DCC: variants seen among roughly 807,000 people sequenced by gnomAD.
DCC encodes DCC netrin 1 receptor, also known as netrin receptor DCC.
Under a neutral mutation model 172.5 loss-of-function variants are expected in DCC, and 58 were observed. The ratio of observed to expected loss-of-function variants is 0.34; its 90% CI spans 0.27 to 0.42. The LOEUF is 0.42. DCC is among the 10% of genes least tolerant of loss of function. DCC has a pLI of 1.00. For missense variants in DCC, 1,740 were observed against 1,791.0 expected (o/e 0.97, Z 0.51); for synonymous variants, 709 against 644.5 (o/e 1.10, Z -1.52).
chr18:53,307,110 T>C (rs1472654089), intron 13 of DCC, among the ~76,000 whole-genome samples: 3 of 152,226 alleles, frequency 2.0e-5, no homozygotes, highest in Non-Finnish European at 4.4e-5. Flanking sequence ...TTTTTCTTCT[T>C]TTCTCTCAGG....
chr18:53,360,979 A>G (rs2057938753), intron 15 of DCC, among the ~76,000 whole-genome samples: 1 of 152,142 alleles, frequency 6.6e-6, no homozygotes, highest in African/African-American at 2.4e-5. Context: ...GTGACCTTAG[A>G]TGGAAAAGGG....
chr18:52,490,057 C>T (rs1051523478), intron 1 of DCC, among the ~76,000 whole-genome samples: 5 of 151,918 alleles, frequency 3.3e-5, no homozygotes, highest in Admixed American at 6.6e-5. Context: ...TTTGAAGTTC[C>T]CAGGAGAGCT....
At chr18:53,085,222 G>A (rs1163960530) in intron 7 of DCC, among the ~76,000 whole-genome samples, 2 of 152,154 alleles carry the variant, frequency 1.3e-5, no homozygotes, top group East Asian at 3.9e-4. Flanking sequence ...GAATTAATAA[G>A]TGAAGGCCAA....
chr18:52,832,914 A>AT (rs901042730), intron 2 of DCC, among the ~76,000 whole-genome samples: 5 of 151,744 alleles, frequency 3.3e-5, no homozygotes, highest in African/African-American at 1.2e-4. Flanking sequence ...ACATTACTAA[A>AT]TTTTTTTTTC....
At chr18:52,619,956 G>A (rs1244994662) in intron 1 of DCC, among the ~76,000 whole-genome samples, 1 of 152,154 alleles carries the variant, frequency 6.6e-6, no homozygotes, top group Non-Finnish European at 1.5e-5. Flanking sequence ...TGTGCTGGAA[G>A]GAAAGATTCT....
chr18:53,192,405 C>T (rs917846055), intron 9 of DCC, among the ~76,000 whole-genome samples: 1 of 151,744 alleles, frequency 6.6e-6, no homozygotes, highest in Non-Finnish European at 1.5e-5. Flanking sequence ...ATACATTGCT[C>T]AGAAAAAAAG....
At position 52,916,237 on chromosome 18, in the gene DCC, C is replaced by T. The variant is rs146291934; in HGVS notation, c.698-7470C>T. ...TTTTTTTTTTTTCTTCATGAAACAC[C>T]ATTTTTACTTGAAAGGACAGTCAAT... On this transcript the variant is annotated intron_variant, in intron 3 of 28. Coordinates refer to ENST00000442544, the MANE Select transcript of DCC (RefSeq NM_005215.4). 1.2e-3 allele frequency among the ~76,000 whole-genome samples: 183 copies of T among 149,942 alleles called. 1 individual carries two copies. Among genetic ancestry groups the T allele is most frequent in the African/African-American group, 4.2e-3 (173 of 40,872 alleles).
intron 5 of DCC, among the ~76,000 whole-genome samples, chr18:52,972,543 A>G (rs1473606812): frequency 4.0e-5 from 6 of 148,842 alleles, no homozygotes; most frequent in African/African-American, 1.2e-4. Flanking sequence ...TACTCTCGCT[A>G]TAGGTTTTAC....
intron 21 of DCC, among the ~76,000 whole-genome samples, chr18:53,428,316 TATAATATAA>T (rs1459863920): frequency 1.8e-4 from 3 of 16,822 alleles, no homozygotes; most frequent in South Asian, 1.9e-3. Flanking sequence ...GAATATAATA[TATAATATAA>T]TATAATATAT....
chr18:52,919,793 A>G (rs986989696), intron 3 of DCC, among the ~76,000 whole-genome samples: 1 of 152,152 alleles, frequency 6.6e-6, no homozygotes, highest in Non-Finnish European at 1.5e-5. Context: ...CTGAATAAGA[A>G]GAACAAAGTC....
intron 10 of DCC, among the ~76,000 whole-genome samples, chr18:53,206,339 GTATATAT>G: frequency 2.1e-5 from 1 of 46,726 alleles, no homozygotes; most frequent in East Asian, 3.9e-4. Context: ...ACACATATAT[GTATATAT>G]GTATATATAC....
chr18:53,368,440 G>A (rs2058028206), intron 15 of DCC, among the ~76,000 whole-genome samples: 1 of 150,344 alleles, frequency 6.7e-6, no homozygotes, highest in South Asian at 2.1e-4. Flanking sequence ...TAAATTTTAT[G>A]AAGTCAGAGG....
At chr18:53,418,513 T>G (rs1910452387) in intron 21 of DCC, among the ~76,000 whole-genome samples, 2 of 152,136 alleles carry the variant, frequency 1.3e-5, no homozygotes, top group African/African-American at 4.8e-5. Context: ...ATGATCCCAC[T>G]ATTACATTTA....
chr18:52,671,732 G>A (rs1240717318), intron 1 of DCC, among the ~76,000 whole-genome samples: 1 of 151,654 alleles, frequency 6.6e-6, no homozygotes, highest in Non-Finnish European at 1.5e-5. Context: ...TAGAGAGAGG[G>A]TCTCTGTTGG....
intron 12 of DCC, among the ~76,000 whole-genome samples, chr18:53,294,416 C>T (rs1477943023): frequency 1.3e-5 from 2 of 152,080 alleles, no homozygotes; most frequent in Non-Finnish European, 2.9e-5. Context: ...GCAGTTATGC[C>T]TGATAGGGGA....
intron 1 of DCC, among the ~76,000 whole-genome samples, chr18:52,749,580 G>A (rs1303804586): frequency 6.6e-6 from 1 of 152,136 alleles, no homozygotes; most frequent in African/African-American, 2.4e-5. Context: ...TTGTTATAAA[G>A]AGTACAAAAA....
At chr18:52,923,618 C>T in intron 3 of DCC, 89 bp from the exon 4 acceptor site, 1 of 1,054,194 alleles carries the variant, frequency 9.5e-7, no homozygotes, top group African/African-American at 1.6e-5. Flanking sequence ...TTTTTCTTTC[C>T]ATCTTTTGTT....
chr18:52,801,001 C>A (rs2037974545), intron 2 of DCC, among the ~76,000 whole-genome samples: 1 of 152,086 alleles, frequency 6.6e-6, no homozygotes, highest in South Asian at 2.1e-4. Context: ...GTAGTCTCAT[C>A]CTCTGGCAGG....
chr18:52,418,891 C>T (rs1239165910), intron 1 of DCC, among the ~76,000 whole-genome samples: 2 of 127,906 alleles, frequency 1.6e-5, no homozygotes, highest in African/African-American at 2.9e-5. Context: ...GATGGAGTCT[C>T]ACCCTGTTAC....
Sources: gnomAD v4.1 joint callset for allele counts (sites outside exome capture counted in the v4.1 genomes callset) on GRCh38, gnomAD v4.1.1 for gene constraint, MANE v1.5 for transcripts, NCBI Gene and HGNC (gene_info 2026-07-23, HGNC 2026-07-21) for gene names.